TUBGCP5: variants seen among roughly 807,000 people sequenced by gnomAD.
TUBGCP5 encodes the protein gamma-tubulin complex component 5.
Under a neutral mutation model 134.7 loss-of-function variants are expected in TUBGCP5, and 98 were observed. The observed-to-expected ratio is 0.73, with a 90% CI of 0.62 to 0.86. The LOEUF (loss-of-function observed/expected upper bound fraction) is 0.86. Ranked by LOEUF, TUBGCP5 falls within the 40% of genes least tolerant of loss-of-function variation. The pLI, the probability that TUBGCP5 is intolerant of heterozygous loss-of-function variation, is 0.00. For missense variants in TUBGCP5, 1,150 were observed against 1,244.8 expected (o/e 0.92, Z 1.15); for synonymous variants, 456 against 431.4 (o/e 1.06, Z -0.71).
chr15:23,003,651 T>G (rs1381393172), intron 20 of TUBGCP5, among the ~76,000 whole-genome samples: 2 of 135,756 alleles, frequency 1.5e-5, no homozygotes, highest in African/African-American at 5.2e-5. Flanking sequence ...TTTTTTTTTT[T>G]TTTTTTTTTT....
At chr15:23,025,825 C>T (rs992856977) in intron 8 of TUBGCP5, among the ~76,000 whole-genome samples, 65 of 143,122 alleles carry the variant, frequency 4.5e-4, no homozygotes, top group Non-Finnish European at 2.0e-4. Flanking sequence ...AGTGAGACTC[C>T]GTCTCAAAAA....
chr15:22,990,235 C>T (rs1048413802), intron 23 of TUBGCP5, among the ~76,000 whole-genome samples: 3 of 151,818 alleles, frequency 2.0e-5, no homozygotes, highest in Non-Finnish European at 2.9e-5. Context: ...CCCTCCTTCT[C>T]CCACTCCTCC....
At chr15:22,987,891 A>G (rs1281121412) in intron 23 of TUBGCP5, among the ~76,000 whole-genome samples, 3 of 110,244 alleles carry the variant, frequency 2.7e-5, no homozygotes, top group African/African-American at 3.9e-5. Flanking sequence ...GCGAGACTCC[A>G]TCTCAAAAAA....
In TUBGCP5 at chr15:23,004,098, G is replaced by A. The variant is rs979809903; in HGVS notation, c.2838+4C>T. ...GCCACATCTGCAGGAGACATCTCATGTACCTTTTCTCTCAGCAGACACCGG... is the reference window on the plus strand; with the variant it reads ...GCCACATCTGCAGGAGACATCTCATATACCTTTTCTCTCAGCAGACACCGG... On this transcript the variant is annotated splice_donor_region_variant and intron_variant, in intron 20 of 22. Coordinates refer to ENST00000615383, the MANE Select transcript of TUBGCP5 (RefSeq NM_052903.6). 22 of 1,607,140 alleles carry A rather than the reference G, an allele frequency of 1.4e-5. No homozygotes were observed. The highest frequency in any genetic ancestry group is 1.9e-5 in the Non-Finnish European group (22 of 1,178,128).
chr15:23,036,845 C>A, intron 3 of TUBGCP5, 52 bp downstream of exon 3: 1 of 1,187,266 alleles, frequency 8.4e-7, no homozygotes, highest in South Asian at 1.3e-5. Flanking sequence ...TGACGATAAT[C>A]AGATAGGAAA....
chr15:22,995,574 CAA>C (rs397794497), downstream of TUBGCP5, among the ~76,000 whole-genome samples: 1 of 121,720 alleles, frequency 8.2e-6, no homozygotes, highest in Admixed American at 9.2e-5. Flanking sequence ...GGCTCCGTCT[CAA>C]AAAAAAAAAA....
chr15:22,988,392 G>A lies in TUBGCP5; in HGVS notation c.*62-4781C>T, dbSNP rs574318216. Among the ~76,000 whole-genome samples the A allele has an allele frequency of 3.3e-5, 5 of 152,004 alleles. No homozygotes were observed. The South Asian group carries it at 1.0e-3, about 32-fold the overall frequency. On this transcript the variant is annotated intron_variant and NMD_transcript_variant, in intron 23 of 23. Coordinates refer to the TUBGCP5 transcript ENST00000614508. ...ATGGTGGAGGCAAGGCCCTATTGCTGCCTTGAATTTTGGCCTTCCAGCCCC... is the reference window on the plus strand; with the variant it reads ...ATGGTGGAGGCAAGGCCCTATTGCTACCTTGAATTTTGGCCTTCCAGCCCC...
chr15:22,996,635 C>T (rs2064092338), downstream of TUBGCP5, among the ~76,000 whole-genome samples: 1 of 152,034 alleles, frequency 6.6e-6, no homozygotes, highest in African/African-American at 2.4e-5. Flanking sequence ...CTACAGGTGT[C>T]TGTCACCACA....
At chr15:23,035,453 G>C (rs2066535017) in intron 3 of TUBGCP5, among the ~76,000 whole-genome samples, 1 of 147,650 alleles carries the variant, frequency 6.8e-6, no homozygotes, top group African/African-American at 2.5e-5. Context: ...GTGGGGGTTG[G>C]TTTCAAGGAT....
In TUBGCP5 at chr15:23,039,445, T is replaced by C; in HGVS notation, c.99A>G (p.Ala33=). The C allele has an allele frequency of 6.5e-7, 1 of 1,543,810 alleles. No individual in the cohort carries two copies. The highest frequency in any genetic ancestry group is 1.4e-5 in the African/African-American group (1 of 70,822). The change falls in exon 1 of 23, where the codon GCA becomes GCG. Residue 33 remains alanine, a synonymous_variant. Transcript: ENST00000615383. ...VRGVAGLQDE[A]DPNFQLALNF... Reference sequence around the variant, plus strand: ...TTAGGGCGAGCTGGAAGTTGGGGTCTGCCTCGTCCTGGAGGCCGGCGACAC... The same window carrying C: ...TTAGGGCGAGCTGGAAGTTGGGGTCCGCCTCGTCCTGGAGGCCGGCGACAC...
intron 16 of TUBGCP5, among the ~76,000 whole-genome samples, chr15:23,008,191 C>T (rs781622890): frequency 3.3e-5 from 5 of 152,194 alleles, no homozygotes; most frequent in Non-Finnish European, 5.9e-5. Flanking sequence ...GCATGAGCCA[C>T]TGCATCTGGC....
chr15:23,032,564 C>A (rs979174375), intron 4 of TUBGCP5, among the ~76,000 whole-genome samples, 164 bp downstream of exon 4: 6 of 152,138 alleles, frequency 3.9e-5, no homozygotes, highest in African/African-American at 1.2e-4. Context: ...AGAGGGCTGA[C>A]AGCATTTTAA....
intron 23 of TUBGCP5, among the ~76,000 whole-genome samples, chr15:22,991,524 C>T (rs62009536): frequency 0.14 from 20,590 of 152,168 alleles, 1,813 homozygotes; most frequent in East Asian, 0.45. Context: ...GAGGGAGGCG[C>T]TGGCGGAGGC....
rs1555439436 is a variant in TUBGCP5, at chr15:23,016,969, G to GATATGTATATATATATATATATAT, written c.1756+803_1756+804insATATATATATATATATATACATAT. On this transcript the variant is annotated intron_variant, in intron 13 of 22. Coordinates refer to ENST00000615383, the MANE Select transcript of TUBGCP5 (RefSeq NM_052903.6). ...AGATGAATGGGTAAAAAAATTGTGA[G>GATATGTATATATATATATATATAT]ATATATATATATATATATGTATATA... Among the ~76,000 whole-genome samples the GATATGTATATATATATATATATAT allele has an allele frequency of 6.2e-4, 68 of 109,416 alleles. 2 individuals are homozygous for GATATGTATATATATATATATATAT. The highest frequency in any genetic ancestry group is 2.4e-3 in the African/African-American group (66 of 27,800). 71.8% of individuals were successfully genotyped at this position (109,416 alleles called of 152,430 possible).
intron 19 of TUBGCP5, 153 bp from the exon 20 acceptor site, chr15:23,004,380 G>T: frequency 1.1e-6 from 1 of 915,186 alleles, no homozygotes; most frequent in Non-Finnish European, 1.6e-6. Flanking sequence ...ATTCTTCAAA[G>T]GCTGGCTGGA....
In TUBGCP5 at chr15:23,039,032, TAA is replaced by T. The variant is rs201611842; in HGVS notation, c.146+364_146+365del. On this transcript the variant is annotated intron_variant, in intron 1 of 22. Coordinates refer to ENST00000615383, the MANE Select transcript of TUBGCP5 (RefSeq NM_052903.6). Reference sequence around the variant, plus strand: ...CAGTGAGAATACAATCTCTTTAATTTAAAAAAAAAAAAAATTATAAACATGGA... The same window carrying T: ...CAGTGAGAATACAATCTCTTTAATTTAAAAAAAAAAAATTATAAACATGGA... Among the ~76,000 whole-genome samples, 915 of 147,474 alleles carry T rather than the reference TAA, an allele frequency of 6.2e-3. 7 individuals are homozygous for T. Among genetic ancestry groups the T allele is most frequent in the African/African-American group, 0.021 (856 of 40,256 alleles).
At chr15:22,998,691 C>T (rs537669816), downstream of TUBGCP5, among the ~76,000 whole-genome samples, 436 of 151,250 alleles carry the variant, frequency 2.9e-3, 5 homozygotes, top group African/African-American at 0.01. Flanking sequence ...CTAGGCTCAC[C>T]GCAACCTCTG....
intron 6 of TUBGCP5, among the ~76,000 whole-genome samples, chr15:23,027,700 T>C (rs1044211909): frequency 1.3e-5 from 2 of 151,822 alleles, no homozygotes; most frequent in African/African-American, 4.8e-5. Flanking sequence ...TGATCTGAGA[T>C]CATGCCACTA....
intron 23 of TUBGCP5, among the ~76,000 whole-genome samples, chr15:22,985,968 T>G (rs1292082507): frequency 6.6e-6 from 1 of 150,994 alleles, no homozygotes. Context: ...CTTGTCTCTA[T>G]CAAAAATACA....
Sources: allele counts gnomAD v4.1 joint callset (sites outside exome capture counted in the v4.1 genomes callset), GRCh38; gene constraint gnomAD v4.1.1; transcripts MANE v1.5; gene names NCBI Gene and HGNC (gene_info 2026-07-23, HGNC 2026-07-21).